Variants in ZNF383 observed in about 807,000 individuals in gnomAD.
The protein encoded by ZNF383 is zinc finger protein 383.
Under a neutral mutation model 44.2 loss-of-function variants are expected in ZNF383, and 32 were observed. The ratio of observed to expected loss-of-function variants is 0.72; its 90% CI spans 0.55 to 0.97. ZNF383 has a LOEUF of 0.97. Among genes scored for constraint, ZNF383 ranks in the 50% least tolerant of loss-of-function variants. The probability of loss-of-function intolerance (pLI) is 0.00; values close to 1 mark genes in which losing one functional copy is unlikely to be tolerated. For synonymous variants in ZNF383, 155 were observed against 186.2 expected (o/e 0.83, Z 1.36); for missense variants, 487 against 562.5 (o/e 0.87, Z 1.36).
intron 3 of ZNF383, among the ~76,000 whole-genome samples, chr19:37,231,564 C>T (rs377592191): frequency 6.6e-5 from 10 of 151,968 alleles, no homozygotes; most frequent in African/African-American, 7.2e-5. Flanking sequence ...ATATCTTTTT[C>T]GTAGCTTTGA....
At chr19:37,231,124 T>C (rs568936693) in intron 3 of ZNF383, among the ~76,000 whole-genome samples, 13 of 152,234 alleles carry the variant, frequency 8.5e-5, no homozygotes, top group Non-Finnish European at 1.8e-4. Context: ...GTTCAGCCAA[T>C]GCATAAGTCA....
chr19:37,243,544 C>G lies in ZNF383; in HGVS notation c.1308C>G (p.Asn436Lys), dbSNP rs981048902. The G allele has an allele frequency of 6.8e-6, 11 of 1,613,264 alleles. No individual in the cohort carries two copies. The highest frequency in any genetic ancestry group is 8.5e-6 in the Non-Finnish European group (10 of 1,179,782). Residue 436 changes from asparagine (N) to lysine (K), a missense_variant, in exon 6 of 6, where the codon AAC (asparagine) becomes AAG (lysine). By Grantham distance (94) the Asn-to-Lys change is moderately conservative (BLOSUM62 0). Transcript: ENST00000684119. ...ECGKAFNKCS[N>K]LTRHLRIHTG... ...GAAAGGCCTTTAATAAATGCTCAAA[C>G]CTTACTCGACATCTGAGAATTCACA...
chr19:37,239,037 A>G (rs1644844006), intron 5 of ZNF383, among the ~76,000 whole-genome samples: 1 of 152,170 alleles, frequency 6.6e-6, no homozygotes, highest in African/African-American at 2.4e-5. Context: ...CTACTGCCTC[A>G]GCCTTCTGAG....
In ZNF383 at chr19:37,243,499, A is replaced by T. The variant is rs778037312; in HGVS notation, c.1263A>T (p.Pro421=). ...AGAGAATTCATACAGATGAAAAACC[A>T]TATGAATGTAATGAATGTGGAAAGG... ...QHQRIHTDEK[P]YECNECGKAF... Residue 421 remains proline (P), a synonymous_variant, in exon 6 of 6, where the codon CCA becomes CCT. Coordinates refer to ENST00000684119, the MANE Select transcript of ZNF383 (RefSeq NM_001387601.1). 8.2e-5 allele frequency: 132 copies of T among 1,613,806 alleles called. No homozygotes were observed. In the Middle Eastern group the frequency reaches 2.1e-3, roughly 26 times the overall value.
Position 37,244,191 on chromosome 19 carries a change from C to G in ZNF383, c.*527C>G, listed in dbSNP as rs1312271722. On this transcript the variant is annotated 3_prime_UTR_variant, in exon 6 of 6. Coordinates refer to ENST00000684119, the MANE Select transcript of ZNF383 (RefSeq NM_001387601.1). ...CTCCACCTCCCGGCTTCAAGCAATT[C>G]TCCTGCCTCAGACTCCTGAGTAGCT... 1 of 152,132 alleles carries G rather than the reference C, an allele frequency of 6.6e-6. No homozygotes were observed. Among genetic ancestry groups the G allele is most frequent in the African/African-American group, 2.4e-5 (1 of 41,364 alleles). The allele number at this position is 152,132 out of a possible 1,614,324, so 9.4% of individuals were successfully genotyped here.
At chr19:37,230,297 GT>G in intron 2 of ZNF383, 111 bp from the exon 3 acceptor site, 1 of 658,936 alleles carries the variant, frequency 1.5e-6, no homozygotes. Flanking sequence ...ACTAACTGGA[GT>G]TGTATCTCAA....
rs368129716 is a variant in ZNF383, at chr19:37,245,135, C to G, written c.*1471C>G. On this transcript the variant is annotated 3_prime_UTR_variant, in exon 6 of 6. Transcript: ENST00000684119. ...GAAACCCCGTCTCTACTTAGCTGGG[C>G]GTGGTGGCATGTACCTGTAATCCCA... 1.3e-5 allele frequency: 2 copies of G among 151,790 alleles called. No homozygotes were observed. The highest frequency in any genetic ancestry group is 6.6e-5 in the Admixed American group (1 of 15,212). 9.4% of individuals were successfully genotyped at this position (151,790 alleles called of 1,614,324 possible). A position where few individuals can be genotyped will look rare whatever the true frequency, so the allele number is the denominator to read the frequency against.
In ZNF383 at chr19:37,242,548, A is replaced by G. The variant is rs1974168260; in HGVS notation, c.312A>G (p.Ile104Met). The G allele has an allele frequency of 1.2e-6, 2 of 1,613,886 alleles. No individual in the cohort carries two copies. The highest frequency in any genetic ancestry group is 1.3e-5 in the African/African-American group (1 of 74,936). The change falls in exon 6 of 6, where the codon ATA becomes ATG. Residue 104 changes from isoleucine to methionine, a missense_variant. Transcript: ENST00000684119. ...VYEIELCQRE[I>M]MGLTKHGLEY... Reference sequence around the variant, plus strand: ...AAATAGAATTATGCCAGAGGGAGATAATGGGACTTACAAAGCATGGCCTTG... The same window carrying G: ...AAATAGAATTATGCCAGAGGGAGATGATGGGACTTACAAAGCATGGCCTTG...
At chr19:37,224,021 G>A (rs550073507) in intron 1 of ZNF383, among the ~76,000 whole-genome samples, 23 of 151,810 alleles carry the variant, frequency 1.5e-4, no homozygotes, top group Admixed American at 1.5e-3. Flanking sequence ...GCGGCAGAGT[G>A]AGGCTCCATC....
intron 2 of ZNF383, among the ~76,000 whole-genome samples, chr19:37,228,791 C>T (rs1599786696): frequency 2.0e-5 from 3 of 152,024 alleles, no homozygotes; most frequent in Admixed American, 2.0e-4. Flanking sequence ...AAACAAGCCA[C>T]TAATACTAGA....
In ZNF383 at chr19:37,246,619, A is replaced by AAAAAAC. The variant is rs911797627; in HGVS notation, c.*2971_*2976dup. The AAAAAAC allele has an allele frequency of 6.6e-6, 1 of 151,968 alleles. No homozygotes were observed. The highest frequency in any genetic ancestry group is 2.4e-5 in the African/African-American group (1 of 41,284). 9.4% of individuals were successfully genotyped at this position (151,968 alleles called of 1,614,324 possible). On this transcript the variant is annotated 3_prime_UTR_variant, in exon 6 of 6. Transcript: ENST00000684119. ...AACCCCGTCTCTACTAAAAATACAA[A>AAAAAAC]AAAAACAAAAACAAAAACAAATAGC... is the stretch of plus-strand genomic sequence containing the variant.
chr19:37,237,489 C>G (rs983631785), intron 5 of ZNF383, among the ~76,000 whole-genome samples: 2 of 152,156 alleles, frequency 1.3e-5, no homozygotes, highest in Non-Finnish European at 1.5e-5. Context: ...ATGTACCAAG[C>G]ATTGGTCCAA....
chr19:37,229,954 T>A (rs1157547781), intron 2 of ZNF383, among the ~76,000 whole-genome samples: 2 of 151,726 alleles, frequency 1.3e-5, no homozygotes, highest in Non-Finnish European at 2.9e-5. Flanking sequence ...ATTAGGGAAG[T>A]CTTTGGTCTT....
chr19:37,240,147 C>T (rs1471948928), intron 5 of ZNF383, among the ~76,000 whole-genome samples: 1 of 116,308 alleles, frequency 8.6e-6, no homozygotes, highest in Non-Finnish European at 1.7e-5. Flanking sequence ...AACAGAGTGA[C>T]ACTGCGTTTC....
intron 3 of ZNF383, among the ~76,000 whole-genome samples, chr19:37,233,743 A>G (rs1973624548): frequency 6.6e-6 from 1 of 151,688 alleles, no homozygotes. Flanking sequence ...TTTGTTTTTA[A>G]TCCTATGGGA....
At chr19:37,228,386 A>G (rs1973289506) in intron 2 of ZNF383, among the ~76,000 whole-genome samples, 1 of 151,482 alleles carries the variant, frequency 6.6e-6, no homozygotes, top group African/African-American at 2.4e-5. Context: ...TTATTATTGG[A>G]ATAAAGAGTA....
intron 3 of ZNF383, among the ~76,000 whole-genome samples, chr19:37,232,098 C>T (rs1463389776): frequency 4.1e-5 from 6 of 148,116 alleles, no homozygotes; most frequent in South Asian, 2.1e-4. Flanking sequence ...TTTTTTGAGA[C>T]GGAGTCTCAC....
chr19:37,244,674 C>T lies in ZNF383; in HGVS notation c.*1010C>T, dbSNP rs189078185. 5 of 152,270 alleles carry T rather than the reference C, an allele frequency of 3.3e-5. No individual in the cohort carries two copies. In the East Asian group the frequency reaches 5.8e-4, roughly 18 times the overall value. 9.4% of individuals were successfully genotyped at this position (152,270 alleles called of 1,614,324 possible). A position where few individuals can be genotyped will look rare whatever the true frequency, so the allele number is the denominator to read the frequency against. The stretch of plus-strand genomic sequence containing the variant: ...GATTACAGGCGTGAGCCACTGCGGC[C>T]GGTCTTTTTATTTTACAAATGTACA... On this transcript the variant is annotated 3_prime_UTR_variant, in exon 6 of 6. Coordinates refer to ENST00000684119, the MANE Select transcript of ZNF383 (RefSeq NM_001387601.1).
At chr19:37,228,030 A>G (rs73627732) in intron 2 of ZNF383, among the ~76,000 whole-genome samples, 2,429 of 152,310 alleles carry the variant, frequency 0.016, 59 homozygotes, top group African/African-American at 0.055. Context: ...GGCCTGACTA[A>G]CGTCAGGCGT....
Sources: allele counts gnomAD v4.1 joint callset (sites outside exome capture counted in the v4.1 genomes callset), GRCh38; gene constraint gnomAD v4.1.1; transcripts MANE v1.5; gene names NCBI Gene and HGNC (gene_info 2026-07-23, HGNC 2026-07-21).